The following CRADD variants were observed in gnomAD, a reference collection of about 807,000 sequenced individuals.
CRADD encodes the protein CARD and death domain containing adaptor protein, also known as death domain-containing protein CRADD.
In CRADD, 9 loss-of-function variants were observed where a neutral mutation model predicts 15.5. The observed-to-expected ratio is 0.58, with a 90% CI of 0.35 to 1.01. The LOEUF (loss-of-function observed/expected upper bound fraction) is 1.01, where lower values mean the gene tolerates loss of function less well. Ranked by LOEUF, CRADD falls within the 50% of genes least tolerant of loss-of-function variation. The probability of loss-of-function intolerance (pLI) is 0.02; values close to 1 mark genes in which losing one functional copy is unlikely to be tolerated. For synonymous variants in CRADD, 118 were observed against 107.6 expected, an observed-to-expected ratio of 1.10 and a Z score of -0.60; for missense variants, 227 against 250.3, an observed-to-expected ratio of 0.91 and a Z score of 0.63.
chr12:93,808,955 C>A (rs767637708), intron 2 of CRADD, among the ~76,000 whole-genome samples: 1 of 152,118 alleles, frequency 6.6e-6, no homozygotes, highest in Non-Finnish European at 1.5e-5. Context: ...ACTCTTGTTG[C>A]TCAGGCTGGA....
At chr12:93,847,503 A>C (rs1489145818) in intron 2 of CRADD, among the ~76,000 whole-genome samples, 1 of 146,092 alleles carries the variant, frequency 6.8e-6, no homozygotes, top group African/African-American at 2.5e-5. Flanking sequence ...TGCTTGAAAA[A>C]AAAAAAAAAA....
chr12:93,870,017 G>GA lies in CRADD; in HGVS notation c.299-24024dup, dbSNP rs35948486. ...CAAATGGCTGAAAACCAAGGATAAA[G>GA]AAAAAAAAATCTTTAAAACAGCCCA... On this transcript the variant is annotated intron_variant, in intron 2 of 2. Coordinates refer to the CRADD transcript ENST00000548483. 3.2e-4 allele frequency among the ~76,000 whole-genome samples: 48 copies of GA among 149,940 alleles called. 1 individual carries two copies. The highest frequency in any genetic ancestry group is 8.6e-4 in the Admixed American group (13 of 15,108).
intron 2 of CRADD, among the ~76,000 whole-genome samples, chr12:93,781,055 C>T (rs1957204530): frequency 6.6e-6 from 1 of 151,968 alleles, no homozygotes; most frequent in African/African-American, 2.4e-5. Flanking sequence ...CGTGCCCAGC[C>T]TCTTGGTTAC....
chr12:93,822,317 C>T (rs1957777916), intron 2 of CRADD, among the ~76,000 whole-genome samples: 1 of 152,142 alleles, frequency 6.6e-6, no homozygotes, highest in Non-Finnish European at 1.5e-5. Flanking sequence ...GCAAAATCAA[C>T]CACAGTCTCA....
At chr12:93,693,011 TTATCAGCTTAAAA>T (rs1955610168) in intron 2 of CRADD, among the ~76,000 whole-genome samples, 1 of 152,176 alleles carries the variant, frequency 6.6e-6, no homozygotes, top group Non-Finnish European at 1.5e-5. Context: ...AATTGAGTTG[TTATCAGCTTAAAA>T]TAACTGGCTG....
chr12:93,724,984 G>A (rs1457149314), intron 2 of CRADD, among the ~76,000 whole-genome samples: 1 of 151,812 alleles, frequency 6.6e-6, no homozygotes, highest in Non-Finnish European at 1.5e-5. Flanking sequence ...CCTCAGCCTC[G>A]CAAGTAGCTG....
intron 2 of CRADD, among the ~76,000 whole-genome samples, chr12:93,886,391 G>C (rs1958537803): frequency 1.3e-5 from 2 of 151,910 alleles, no homozygotes. Flanking sequence ...AAACTCTTGA[G>C]CTCAAGCGAT....
intron 2 of CRADD, among the ~76,000 whole-genome samples, chr12:93,833,367 C>T (rs774324440): frequency 1.3e-5 from 2 of 152,074 alleles, no homozygotes; most frequent in Non-Finnish European, 2.9e-5. Flanking sequence ...GAGGTAGGGT[C>T]TCCCTGTGTC....
At chr12:93,715,547 G>T (rs1956146594) in intron 2 of CRADD, among the ~76,000 whole-genome samples, 1 of 152,190 alleles carries the variant, frequency 6.6e-6, no homozygotes, top group Middle Eastern at 3.2e-3. Flanking sequence ...GCTGAGGCAG[G>T]AGGATGGTTT....
At chr12:93,766,793 G>A (rs189225924) in intron 2 of CRADD, among the ~76,000 whole-genome samples, 80 of 152,338 alleles carry the variant, frequency 5.3e-4, no homozygotes, top group African/African-American at 1.8e-3. Context: ...TATTTGGAAT[G>A]TAAGCTCCTT....
At chr12:93,882,788 G>A (rs558986418) in intron 2 of CRADD, among the ~76,000 whole-genome samples, 1 of 152,336 alleles carries the variant, frequency 6.6e-6, no homozygotes, top group Admixed American at 6.5e-5. Context: ...AGGGAAGCAG[G>A]TTTCCTGGAG....
intron 2 of CRADD, among the ~76,000 whole-genome samples, chr12:93,870,006 C>T (rs1024918529): frequency 3.3e-5 from 5 of 151,294 alleles, no homozygotes; most frequent in African/African-American, 1.2e-4. Flanking sequence ...TGGCTGAAAA[C>T]CAAGGATAAA....
At chr12:93,856,367 T>C (rs1007139475) in intron 2 of CRADD, among the ~76,000 whole-genome samples, 5 of 152,212 alleles carry the variant, frequency 3.3e-5, no homozygotes, top group African/African-American at 1.2e-4. Context: ...CAAAACACTA[T>C]GCAAGTTACC....
At chr12:93,822,908 A>G (rs11107202) in intron 2 of CRADD, among the ~76,000 whole-genome samples, 77,473 of 152,078 alleles carry the variant, frequency 0.51, 20,650 homozygotes, top group East Asian at 0.67. Context: ...CAAAATGGAA[A>G]TCAGTTTTAT....
At chr12:93,865,072 G>C (rs1158801562) in intron 2 of CRADD, among the ~76,000 whole-genome samples, 1 of 152,200 alleles carries the variant, frequency 6.6e-6, no homozygotes, top group African/African-American at 2.4e-5. Flanking sequence ...TCCTAGACCA[G>C]AACGTTCCAA....
intron 2 of CRADD, among the ~76,000 whole-genome samples, chr12:93,893,390 T>C (rs1466096561): frequency 6.6e-6 from 1 of 150,508 alleles, no homozygotes; most frequent in African/African-American, 2.5e-5. Flanking sequence ...ATTCCTAGGG[T>C]GTTGATTTAA....
intron 2 of CRADD, among the ~76,000 whole-genome samples, chr12:93,818,532 C>T (rs1237595795): frequency 6.6e-6 from 1 of 152,114 alleles, no homozygotes; most frequent in Admixed American, 6.5e-5. Context: ...TTTGTCTTGA[C>T]ATACTAGCGG....
intron 2 of CRADD, among the ~76,000 whole-genome samples, chr12:93,885,157 G>C (rs959473938): frequency 6.6e-6 from 1 of 152,154 alleles, no homozygotes; most frequent in Non-Finnish European, 1.5e-5. Flanking sequence ...GGTGAGGCCT[G>C]TTTCCAAGAA....
chr12:93,692,949 A>G (rs552420384), intron 2 of CRADD, among the ~76,000 whole-genome samples: 2 of 152,304 alleles, frequency 1.3e-5, no homozygotes, highest in East Asian at 3.9e-4. Flanking sequence ...ATCAAAAACT[A>G]AAATATGGGG....
Sources: gnomAD v4.1 joint callset for allele counts (sites outside exome capture counted in the v4.1 genomes callset) on GRCh38, gnomAD v4.1.1 for gene constraint, MANE v1.5 for transcripts, NCBI Gene and HGNC (gene_info 2026-07-23, HGNC 2026-07-21) for gene names.